Variants in PARVG observed in about 807,000 individuals in gnomAD.
The protein encoded by PARVG is parvin gamma.
In PARVG, 36 loss-of-function variants were observed where a neutral mutation model predicts 44.4. That is an observed-to-expected ratio of 0.81 (90% confidence interval 0.62 to 1.07). The LOEUF is 1.07. Among genes scored for constraint, PARVG ranks in the 50% least tolerant of loss-of-function variants. PARVG has a pLI of 0.00. For synonymous variants in PARVG, 170 were observed against 174.1 expected, an observed-to-expected ratio of 0.98 and a Z score of 0.19; for missense variants, 407 against 407.4, an observed-to-expected ratio of 1.00 and a Z score of 0.01.
rs749796072 is a variant in PARVG at position 44,206,287 on chromosome 22, C to A, written c.887-30C>A. The A allele has an allele frequency of 3.7e-5, 57 of 1,550,886 alleles. 1 individual carries two copies. The South Asian group carries it at 6.3e-4, about 17-fold the overall frequency. On this transcript the variant is annotated intron_variant, in intron 13 of 13. Transcript: ENST00000444313. ...GTCGGTCACTGCCACCCAGGCCTGA[C>A]TGGCTGCCCTGCCCTCCTTTGGCCC...
At chr22:44,196,116 A>G in intron 9 of PARVG, 39 bp from the exon 10 acceptor site, 1 of 1,611,412 alleles carries the variant, frequency 6.2e-7, no homozygotes, top group Non-Finnish European at 8.5e-7. Context: ...CAAAGATAAT[A>G]GCATCGTAAT....
chr22:44,176,966 C>T (rs539359865), upstream of PARVG, among the ~76,000 whole-genome samples: 12 of 152,214 alleles, frequency 7.9e-5, no homozygotes, highest in South Asian at 2.3e-3. Context: ...ATCATGAGAA[C>T]AGCATGGAAA....
chr22:44,194,838 CATCCATCT>C (rs940870699), intron 9 of PARVG, among the ~76,000 whole-genome samples: 8 of 151,774 alleles, frequency 5.3e-5, no homozygotes, highest in African/African-American at 1.5e-4. Flanking sequence ...TCCATCCATC[CATCCATCT>C]ATCCATCCAT....
chr22:44,197,974 A>G (rs1397348059), intron 11 of PARVG, among the ~76,000 whole-genome samples: 2 of 152,350 alleles, frequency 1.3e-5, no homozygotes, highest in East Asian at 1.9e-4. Context: ...AGACTGTTCA[A>G]TAAAATGGGG....
At chr22:44,198,859 T>C (rs2054654682) in intron 12 of PARVG, 137 bp downstream of exon 12, 2 of 526,666 alleles carry the variant, frequency 3.8e-6, no homozygotes, top group Admixed American at 3.3e-5. Flanking sequence ...TATGTCTGCC[T>C]ATCCATCCAT....
At chr22:44,185,417 C>T in intron 3 of PARVG, 1 of 171,580 alleles carries the variant, frequency 5.8e-6, no homozygotes, top group Non-Finnish European at 1.3e-5. Flanking sequence ...ACGAGAGGGG[C>T]CATGGAGGGG....
intron 12 of PARVG, 138 bp from the exon 13 acceptor site, chr22:44,205,619 C>A: frequency 1.1e-6 from 1 of 932,420 alleles, no homozygotes; most frequent in Non-Finnish European, 1.7e-6. Context: ...TGGTCGTGGT[C>A]AGGGATGCCC....
At position 44,190,761 on chromosome 22, in the gene PARVG, G is replaced by GCT. The variant is rs1475956528; in HGVS notation, c.504+96_504+97dup. 2.8e-6 allele frequency: 3 copies of GCT among 1,072,708 alleles called. No individual in the cohort carries two copies. In the African/African-American group the frequency reaches 4.7e-5, roughly 17 times the overall value. The allele number at this position is 1,072,708 out of a possible 1,614,324, so 66.4% of individuals were successfully genotyped here. A position where few individuals can be genotyped will look rare whatever the true frequency, so the allele number is the denominator to read the frequency against. On this transcript the variant is annotated intron_variant, in intron 7 of 13. Coordinates refer to ENST00000444313, the MANE Select transcript of PARVG (RefSeq NM_022141.7). ...CATGGGTGGAGCTGGCTGGGGCGGG[G>GCT]CTGACCCAGGGTGAGTTTCAGGGAA...
At chr22:44,205,406 C>T (rs2054766581) in intron 12 of PARVG, among the ~76,000 whole-genome samples, 1 of 152,248 alleles carries the variant, frequency 6.6e-6, no homozygotes, top group Non-Finnish European at 1.5e-5. Flanking sequence ...GCTTCACCTC[C>T]ACCAGGAAGC....
chr22:44,181,834 A>T lies in PARVG; in HGVS notation c.-96A>T, dbSNP rs371123994. 1.0e-6 allele frequency: 1 copy of T among 985,258 alleles called. No homozygotes were observed. Among genetic ancestry groups the T allele is most frequent in the Admixed American group, 6.1e-5 (1 of 16,264 alleles). The allele number at this position is 985,258 out of a possible 1,614,324, so 61.0% of individuals were successfully genotyped here. The stretch of plus-strand genomic sequence containing the variant: ...CCTGGTCCCCGAAGACCCCAGAAGA[A>T]CCCGGAACTTGCTTCCATTCGGAAT... On this transcript the variant is annotated 5_prime_UTR_variant, in exon 2 of 14. Coordinates refer to ENST00000444313, the MANE Select transcript of PARVG (RefSeq NM_022141.7).
chr22:44,186,670 G>A (rs1341174367), intron 4 of PARVG: 12 of 470,860 alleles, frequency 2.5e-5, no homozygotes, highest in Middle Eastern at 3.2e-4. Context: ...GTCTCAGCTC[G>A]GTCTCCTCCA....
intron 4 of PARVG, chr22:44,187,449 A>G (rs1261252424): frequency 7.6e-6 from 3 of 397,262 alleles, no homozygotes; most frequent in African/African-American, 2.0e-5. Flanking sequence ...TCATTGTCCA[A>G]TTCTTTCCAT....
intron 1 of PARVG, among the ~76,000 whole-genome samples, chr22:44,173,778 A>G (rs1284429519): frequency 6.6e-6 from 1 of 152,096 alleles, no homozygotes; most frequent in Non-Finnish European, 1.5e-5. Context: ...ATGTCTGGAG[A>G]CAGTTTGGGT....
intron 4 of PARVG, chr22:44,186,183 C>T: frequency 3.2e-6 from 1 of 309,428 alleles, no homozygotes; most frequent in South Asian, 2.9e-5. Flanking sequence ...AGACAGGTGA[C>T]CTCATCTGTC....
intron 9 of PARVG, 67 bp from the exon 10 acceptor site, chr22:44,196,088 A>C (rs1159864637): frequency 8.8e-6 from 14 of 1,593,906 alleles, no homozygotes; most frequent in Non-Finnish European, 1.2e-5. Context: ...TGTGAAAAAA[A>C]AAATTCCCTG....
chr22:44,205,689 C>T, intron 12 of PARVG, 68 bp from the exon 13 acceptor site: 2 of 1,585,896 alleles, frequency 1.3e-6, no homozygotes, highest in South Asian at 2.2e-5. Context: ...GGGCTTGGCA[C>T]TTGGGACCCA....
At chr22:44,187,922 C>G (rs764743932) in intron 5 of PARVG, 44 bp downstream of exon 5, 20 of 1,603,588 alleles carry the variant, frequency 1.2e-5, no homozygotes, top group Admixed American at 8.3e-5. Flanking sequence ...GGCCCCATCC[C>G]CCTGACCTGG....
At chr22:44,176,762 A>G (rs564764097), upstream of PARVG, among the ~76,000 whole-genome samples, 1 of 152,310 alleles carries the variant, frequency 6.6e-6, no homozygotes, top group African/African-American at 2.4e-5. Flanking sequence ...TAAAAGAGAC[A>G]TACCCAAGAC....
chr22:44,196,066 C>G, intron 9 of PARVG, 89 bp from the exon 10 acceptor site: 1 of 1,460,072 alleles, frequency 6.8e-7, no homozygotes, highest in Middle Eastern at 1.7e-4. Flanking sequence ...ACTGGTTATT[C>G]TAAGAAACTT....
Sources: gnomAD v4.1 joint callset for allele counts (sites outside exome capture counted in the v4.1 genomes callset) on GRCh38, gnomAD v4.1.1 for gene constraint, MANE v1.5 for transcripts, NCBI Gene and HGNC (gene_info 2026-07-23, HGNC 2026-07-21) for gene names.